Variants in RNFT2 observed in about 807,000 individuals in gnomAD.
RNFT2 encodes the protein E3 ubiquitin-protein ligase RNFT2.
A neutral mutation model predicts 53.0 loss-of-function variants in RNFT2; 36 were observed. The ratio of observed to expected loss-of-function variants is 0.68; its 90% CI spans 0.52 to 0.90. RNFT2 has a LOEUF of 0.90. Ranked by LOEUF, RNFT2 falls within the 40% of genes least tolerant of loss-of-function variation. RNFT2 has a pLI of 0.00. For synonymous variants in RNFT2, 260 were observed against 253.2 expected (o/e 1.03, Z -0.26); for missense variants, 514 against 585.6 (o/e 0.88, Z 1.26).
rs1210243898 is a variant in RNFT2 at position 116,850,637 on chromosome 12, T to TTTTTG, written c.*1189_*1190insTTTTG. ...TTTCTTTTCTTTTTTTTTTTTTTTTTGTTGTTGTGAGACAGAGTCTTGCTC... is the reference window on the plus strand; with the variant it reads ...TTTCTTTTCTTTTTTTTTTTTTTTTTTTTTGGTTGTTGTGAGACAGAGTCTTGCTC... On this transcript the variant is annotated 3_prime_UTR_variant, in exon 11 of 11. Coordinates refer to ENST00000257575, the MANE Select transcript of RNFT2 (RefSeq NM_001382266.1). 2 of 150,874 alleles carry TTTTTG rather than the reference T, an allele frequency of 1.3e-5. No individual in the cohort carries two copies. The allele number at this position is 150,874 out of a possible 1,614,324, so 9.3% of individuals were successfully genotyped here. A position where few individuals can be genotyped will look rare whatever the true frequency, so the allele number is the denominator to read the frequency against.
chr12:116,833,270 G>A (rs1391028194), intron 7 of RNFT2, among the ~76,000 whole-genome samples: 1 of 152,180 alleles, frequency 6.6e-6, no homozygotes, highest in Non-Finnish European at 1.5e-5. Flanking sequence ...TTGGAAGAGA[G>A]CAGGTGGTGG....
chr12:116,799,769 G>A (rs1162015710), intron 7 of RNFT2, among the ~76,000 whole-genome samples: 4 of 151,984 alleles, frequency 2.6e-5, no homozygotes, highest in Admixed American at 2.6e-4. Context: ...CTAAAAATAT[G>A]TACCTGTCCC....
At chr12:116,774,934 A>AAGAG (rs113761307) in intron 6 of RNFT2, among the ~76,000 whole-genome samples, 2,241 of 147,916 alleles carry the variant, frequency 0.015, 65 homozygotes, top group African/African-American at 0.051. Flanking sequence ...GGTGCACAGA[A>AAGAG]AGAGAGAGAG....
rs1565876341 is a variant in RNFT2 at position 116,841,978 on chromosome 12, GAGA to G, written c.1200+5697_1200+5699del. Among the ~76,000 whole-genome samples, 91 of 134,990 alleles carry G rather than the reference GAGA, an allele frequency of 6.7e-4. 4 individuals carry two copies. The highest frequency in any genetic ancestry group is 2.3e-3 in the African/African-American group (81 of 35,452). 88.6% of individuals were successfully genotyped at this position (134,990 alleles called of 152,430 possible). A position where few individuals can be genotyped will look rare whatever the true frequency, so the allele number is the denominator to read the frequency against. ...ATATATAGAGAGAGAGAGAGAGAGA[GAGA>G]GAGAGGGAGGATCCAGGTACAACTT... is the stretch of plus-strand genomic sequence containing the variant. On this transcript the variant is annotated intron_variant, in intron 10 of 10. Coordinates refer to ENST00000257575, the MANE Select transcript of RNFT2 (RefSeq NM_001382266.1).
intron 10 of RNFT2, among the ~76,000 whole-genome samples, chr12:116,845,463 G>A (rs1365933483): frequency 1.3e-5 from 2 of 152,000 alleles, no homozygotes; most frequent in Non-Finnish European, 2.9e-5. Flanking sequence ...TAAAACAGGG[G>A]AGACATGATT....
intron 7 of RNFT2, among the ~76,000 whole-genome samples, chr12:116,786,470 C>T (rs1340534424): frequency 1.3e-5 from 2 of 152,184 alleles, no homozygotes; most frequent in East Asian, 3.9e-4. Context: ...GATGACAGCA[C>T]AGGTCTTTAC....
chr12:116,811,767 G>T (rs1875392003), intron 7 of RNFT2, among the ~76,000 whole-genome samples: 1 of 152,258 alleles, frequency 6.6e-6, no homozygotes, highest in African/African-American at 2.4e-5. Context: ...GTTGCAGGGG[G>T]CTTGGCAGCC....
At chr12:116,815,786 T>C (rs749680372) in intron 7 of RNFT2, among the ~76,000 whole-genome samples, 1 of 152,172 alleles carries the variant, frequency 6.6e-6, no homozygotes, top group Non-Finnish European at 1.5e-5. Flanking sequence ...CAGCCTTCCA[T>C]ATCCCCTACT....
intron 6 of RNFT2, among the ~76,000 whole-genome samples, chr12:116,772,193 G>T (rs928409691): frequency 1.3e-5 from 2 of 152,238 alleles, no homozygotes; most frequent in Non-Finnish European, 2.9e-5. Context: ...CTGGGCTCAA[G>T]CGATCCTCCC....
chr12:116,761,561 C>G (rs1013798965), intron 5 of RNFT2, among the ~76,000 whole-genome samples: 7 of 152,244 alleles, frequency 4.6e-5, no homozygotes, highest in African/African-American at 1.7e-4. Flanking sequence ...CTGCTGAGCA[C>G]TAACTGCGTG....
chr12:116,744,692 T>C (rs535856976), intron 3 of RNFT2, among the ~76,000 whole-genome samples: 37 of 152,206 alleles, frequency 2.4e-4, no homozygotes, highest in Non-Finnish European at 4.3e-4. Flanking sequence ...AAGCACAGCC[T>C]CTGTCCCCCT....
At chr12:116,818,313 C>A (rs1348319649) in intron 7 of RNFT2, among the ~76,000 whole-genome samples, 3 of 97,796 alleles carry the variant, frequency 3.1e-5, no homozygotes, top group African/African-American at 4.4e-5. Context: ...ACAGTGAGGC[C>A]CTATCTCAAA....
chr12:116,849,201 G>A, intron 10 of RNFT2, 113 bp from the exon 11 acceptor site: 2 of 776,512 alleles, frequency 2.6e-6, no homozygotes, highest in Non-Finnish European at 2.0e-6. Flanking sequence ...GCGAGTGCAG[G>A]CGCCCCGAAG....
At chr12:116,810,331 C>A (rs1333129539) in intron 7 of RNFT2, among the ~76,000 whole-genome samples, 2 of 152,124 alleles carry the variant, frequency 1.3e-5, no homozygotes, top group African/African-American at 4.8e-5. Flanking sequence ...AAGGGCACGG[C>A]AGGAAGAGGG....
Position 116,835,948 on chromosome 12 carries a change from C to G in RNFT2, c.1033-12C>G. 15 of 1,613,968 alleles carry G rather than the reference C, an allele frequency of 9.3e-6. No individual in the cohort carries two copies. Among genetic ancestry groups the G allele is most frequent in the Non-Finnish European group, 1.3e-5 (15 of 1,179,868 alleles). ...TGGGTACATTTCAGCCACCACCCTG[C>G]TCTCCTTTCAGTCCTTCGACATCTG... On this transcript the variant is annotated splice_polypyrimidine_tract_variant and intron_variant, in intron 8 of 10. Transcript: ENST00000257575.
chr12:116,788,390 C>G (rs779570359), intron 7 of RNFT2, among the ~76,000 whole-genome samples: 1 of 152,218 alleles, frequency 6.6e-6, no homozygotes, highest in Non-Finnish European at 1.5e-5. Flanking sequence ...CTGTCTCCCA[C>G]CTGCACCTAC....
At chr12:116,840,696 T>C (rs1440837459) in intron 10 of RNFT2, among the ~76,000 whole-genome samples, 1 of 152,196 alleles carries the variant, frequency 6.6e-6, no homozygotes, top group African/African-American at 2.4e-5. Context: ...ATGCATTTCA[T>C]TGTGACCCTG....
chr12:116,836,322 G>A (rs373867951), intron 10 of RNFT2, 40 bp downstream of exon 10: 1 of 1,511,420 alleles, frequency 6.6e-7, no homozygotes, highest in Non-Finnish European at 9.0e-7. Flanking sequence ...GACCAAGGCT[G>A]GGGGAGAGTA....
At chr12:116,768,641 G>C (rs566339343) in intron 6 of RNFT2, among the ~76,000 whole-genome samples, 1 of 152,236 alleles carries the variant, frequency 6.6e-6, no homozygotes, top group East Asian at 1.9e-4. Flanking sequence ...ATTATGTACA[G>C]TACCTAATGC....
Sources: allele counts gnomAD v4.1 joint callset (sites outside exome capture counted in the v4.1 genomes callset), GRCh38; gene constraint gnomAD v4.1.1; transcripts MANE v1.5; gene names NCBI Gene and HGNC (gene_info 2026-07-23, HGNC 2026-07-21).